PRRC2C: variants seen among roughly 807,000 people sequenced by gnomAD.
PRRC2C encodes the protein protein PRRC2C.
Under a neutral mutation model 317.2 loss-of-function variants are expected in PRRC2C, and 72 were observed. The ratio of observed to expected loss-of-function variants is 0.23; its 90% CI spans 0.19 to 0.28. The LOEUF is 0.28. PRRC2C is among the 10% of genes least tolerant of loss of function. The probability of loss-of-function intolerance (pLI) is 1.00; values close to 1 mark genes in which losing one functional copy is unlikely to be tolerated. For synonymous variants in PRRC2C, 1,296 were observed against 1,205.9 expected (o/e 1.07, Z -1.55); for missense variants, 3,074 against 3,459.7 (o/e 0.89, Z 2.80).
chr1:171,494,239 T>C (rs1190327455), intron 1 of PRRC2C, among the ~76,000 whole-genome samples: 1 of 152,228 alleles, frequency 6.6e-6, no homozygotes, highest in Non-Finnish European at 1.5e-5. Context: ...TCTGTTCTGA[T>C]TGTTAAGGCT....
At position 171,591,658 on chromosome 1, in the gene PRRC2C, A is replaced by T. The variant is rs1419459273; in HGVS notation, c.8508A>T (p.Ile2836=). 2.5e-6 allele frequency: 4 copies of T among 1,613,952 alleles called. No individual in the cohort carries two copies. In the Admixed American group the frequency reaches 6.7e-5, roughly 27 times the overall value. The change falls in exon 35 of 35, where the codon ATA becomes ATT. Residue 2836 remains isoleucine, a synonymous_variant. Transcript: ENST00000647382. ...CTGAACAGCAACAGAGCAAACAGATAGGAGGAGGCAAAGCCCAGAAAGTGG... is the reference window on the plus strand; with the variant it reads ...CTGAACAGCAACAGAGCAAACAGATTGGAGGAGGCAAAGCCCAGAAAGTGG... ...FFSEQQQSKQ[I]GGGKAQKVDS...
At chr1:171,526,913 ATTC>A (rs1674693731) in intron 10 of PRRC2C, among the ~76,000 whole-genome samples, 1 of 135,944 alleles carries the variant, frequency 7.4e-6, no homozygotes, top group African/African-American at 2.8e-5. Context: ...GGTTCAAGCA[ATTC>A]TTCTGCCTCA....
At chr1:171,585,015 G>C (rs574189360) in intron 30 of PRRC2C, among the ~76,000 whole-genome samples, 3 of 152,216 alleles carry the variant, frequency 2.0e-5, no homozygotes, top group Admixed American at 6.5e-5. Flanking sequence ...GGTTTCAAGC[G>C]ATCTGCCTGC....
Position 171,581,078 on chromosome 1 carries a change from A to G in PRRC2C, c.7409+1114A>G, listed in dbSNP as rs370361020. ...TTTTATTTTTACCTTTTGATTAAAG[A>G]TGCTTTAGTAAAATTTAAGACACCT... On this transcript the variant is annotated intron_variant, in intron 28 of 34. Transcript: ENST00000647382. 1.2e-4 allele frequency among the ~76,000 whole-genome samples: 18 copies of G among 152,310 alleles called. No individual in the cohort carries two copies. The East Asian group carries it at 1.3e-3, about 11-fold the overall frequency.
At position 171,496,693 on chromosome 1, in the gene PRRC2C, CTTTAAAT is replaced by C. The variant is rs779843614; in HGVS notation, c.-58+10961_-58+10967del. ...GTCTAAACCCTGTCATCACCAGAAA[CTTTAAAT>C]TTATTTCACAAGCTCTTATTCCTTA... On this transcript the variant is annotated intron_variant, in intron 1 of 34. Transcript: ENST00000647382. Among the ~76,000 whole-genome samples the C allele has an allele frequency of 4.6e-5, 7 of 152,104 alleles. No individual in the cohort carries two copies. In the Middle Eastern group the frequency reaches 0.01, roughly 222 times the overall value.
At chr1:171,577,859 C>T (rs1647448417) in intron 26 of PRRC2C, among the ~76,000 whole-genome samples, 1 of 148,632 alleles carries the variant, frequency 6.7e-6, no homozygotes, top group African/African-American at 2.5e-5. Context: ...CTTACTGCCA[C>T]CTCCACCTCC....
intron 18 of PRRC2C, among the ~76,000 whole-genome samples, chr1:171,554,880 T>C (rs1233233894): frequency 6.6e-6 from 1 of 152,242 alleles, no homozygotes; most frequent in Non-Finnish European, 1.5e-5. Flanking sequence ...CCTTTCTCTC[T>C]GGCTGCGCTT....
chr1:171,582,256 T>C (rs1648787264), intron 28 of PRRC2C, among the ~76,000 whole-genome samples: 1 of 152,210 alleles, frequency 6.6e-6, no homozygotes, highest in Admixed American at 6.5e-5. Context: ...AGAATTATTC[T>C]CACTGTTCAA....
Position 171,541,493 on chromosome 1 carries a change from A to G in PRRC2C, c.4027A>G (p.Arg1343Gly). The G allele has an allele frequency of 1.9e-6, 3 of 1,613,686 alleles. No homozygotes were observed. The highest frequency in any genetic ancestry group is 1.7e-6 in the Non-Finnish European group (2 of 1,179,762). Reference protein sequence around the residue: ...PGFLPKGEPTRRGRGGTFRRG... With the variant: ...PGFLPKGEPTGRGRGGTFRRG... ...CTTTCTTCCTAAAGGAGAGCCTACA[A>G]GGAGAGGCAGAGGGGGAACATTCAG... The change falls in exon 16 of 35, where the codon AGG becomes GGG. Residue 1343 changes from arginine to glycine, a missense_variant. By Grantham distance (125) the Arg-to-Gly change is moderately radical. Transcript: ENST00000647382. This position sits in a 1 kb window ranked among gnomAD's most constrained non-coding sequence, Gnocchi z 4.1.
At chr1:171,537,073 G>C (rs1676970316) in intron 14 of PRRC2C, among the ~76,000 whole-genome samples, 190 bp from the exon 15 acceptor site, 1 of 152,086 alleles carries the variant, frequency 6.6e-6, no homozygotes. Context: ...TTATTTAACA[G>C]CAGTAATAAA....
Position 171,550,004 on chromosome 1 carries a change from TTA to T in PRRC2C, c.4973-81_4973-80del, listed in dbSNP as rs201988154. 5.4e-4 allele frequency: 614 copies of T among 1,129,860 alleles called. 1 individual carries two copies. In the African/African-American group the frequency reaches 9.0e-3, roughly 17 times the overall value. The allele number at this position is 1,129,860 out of a possible 1,614,324, so 70.0% of individuals were successfully genotyped here. On this transcript the variant is annotated intron_variant, in intron 17 of 34. Transcript: ENST00000647382. ...CCTTTGGCTAGTTTTTTTTTTTTTTTTAAGTACTACTGTACTAAACATTTTTA... is the reference window on the plus strand; with the variant it reads ...CCTTTGGCTAGTTTTTTTTTTTTTTTAGTACTACTGTACTAAACATTTTTA...
chr1:171,539,836 T>C (rs1677632365), intron 15 of PRRC2C, 135 bp from the exon 16 acceptor site: 1 of 825,258 alleles, frequency 1.2e-6, no homozygotes, highest in Non-Finnish European at 1.9e-6. Context: ...CTCTAAACTT[T>C]TTATATAGCG....
At chr1:171,520,214 C>T (rs913047833) in intron 6 of PRRC2C, among the ~76,000 whole-genome samples, 5 of 152,190 alleles carry the variant, frequency 3.3e-5, no homozygotes, top group African/African-American at 1.2e-4. Context: ...CCTTCCTCCT[C>T]GGCCTCCCAA....
intron 5 of PRRC2C, among the ~76,000 whole-genome samples, chr1:171,516,672 T>C (rs1485365740): frequency 2.0e-5 from 3 of 152,198 alleles, no homozygotes; most frequent in Non-Finnish European, 4.4e-5. Flanking sequence ...TCCCACTGTA[T>C]CTGAAGGTCA....
chr1:171,493,879 C>G (rs1667624519), intron 1 of PRRC2C, among the ~76,000 whole-genome samples: 2 of 152,180 alleles, frequency 1.3e-5, no homozygotes, highest in South Asian at 2.1e-4. Context: ...TTGATTACCA[C>G]TTAATAAGTT....
chr1:171,541,584 G>A lies in PRRC2C; in HGVS notation c.4118G>A (p.Arg1373Gln), dbSNP rs146224112. The A allele has an allele frequency of 6.9e-5, 112 of 1,613,600 alleles. No individual in the cohort carries two copies. Among genetic ancestry groups the A allele is most frequent in the South Asian group, 1.1e-4 (10 of 91,070 alleles). ...RPSTLRRPAY[R>Q]DNQWNPRQSE... ...TCCACTTTACGAAGACCAGCTTATC[G>A]GGACAATCAGTGGAACCCAAGGCAG... Residue 1373 changes from arginine to glutamine, a missense_variant, in exon 16 of 35, where the codon CGG (arginine) becomes CAG (glutamine). Arg to Gln is a conservative substitution (Grantham distance 43). Around this residue, in one of 11 missense-constraint regions of PRRC2C, gnomAD observed 1,320 missense variants for 1,395.7 expected, o/e 0.95. Coordinates refer to ENST00000647382, the MANE Select transcript of PRRC2C (RefSeq NM_001387844.1). The surrounding 1 kb of genome is among the most constrained non-coding windows in gnomAD (Gnocchi z 4.1).
intron 1 of PRRC2C, among the ~76,000 whole-genome samples, chr1:171,489,920 ATT>A (rs34537475): frequency 6.7e-6 from 1 of 150,190 alleles, no homozygotes; most frequent in Non-Finnish European, 1.5e-5. Flanking sequence ...ATTTAAACGA[ATT>A]TTTTTTTTCT....
chr1:171,504,693 A>G (rs182338678), intron 1 of PRRC2C, among the ~76,000 whole-genome samples: 183 of 151,870 alleles, frequency 1.2e-3, no homozygotes, highest in African/African-American at 3.2e-3. Context: ...AGCAAGTAGT[A>G]TTCACCTTCC....
At chr1:171,535,744 G>T in intron 13 of PRRC2C, 147 bp downstream of exon 13, 1 of 1,070,668 alleles carries the variant, frequency 9.3e-7, no homozygotes, top group South Asian at 1.6e-5. Context: ...AGTTAACGTG[G>T]GTTTTACCTT....
Sources: gnomAD v4.1 joint callset for allele counts (sites outside exome capture counted in the v4.1 genomes callset) on GRCh38, gnomAD v4.1.1 for gene constraint, gnomAD v4.1.1 regional missense constraint, Gnocchi (gnomAD v3.1) non-coding constraint, MANE v1.5 for transcripts, NCBI Gene and HGNC (gene_info 2026-07-23, HGNC 2026-07-21) for gene names.